DYRK4: variants seen among roughly 807,000 people sequenced by gnomAD.
DYRK4 encodes the protein dual specificity tyrosine phosphorylation regulated kinase 4.
DYRK4 carries 64 observed loss-of-function variants against 68.3 expected under a neutral mutation model. The observed-to-expected ratio is 0.94, with a 90% CI of 0.77 to 1.15. The LOEUF (loss-of-function observed/expected upper bound fraction) is 1.15. Among genes scored for constraint, DYRK4 ranks in the 50% most tolerant of loss-of-function variants. The pLI, the probability that DYRK4 is intolerant of heterozygous loss-of-function variation, is 0.00. For synonymous variants in DYRK4, 274 were observed against 289.9 expected (o/e 0.95, Z 0.56); for missense variants, 740 against 764.7 (o/e 0.97, Z 0.38).
Position 4,596,154 on chromosome 12 carries a change from G to A in DYRK4, c.633G>A (p.Leu211=), listed in dbSNP as rs371365155. ...CTCCGGCCTGGCTTCCACAGGTCCT[G>A]CATGATCACATTGCCTACCGCTATG... ...DDEHGFYLKV[L]HDHIAYRYEV... Residue 211 remains leucine (L), a synonymous_variant, in exon 7 of 15, where the codon CTG becomes CTA. Transcript: ENST00000543431. 1 of 1,614,072 alleles carries A rather than the reference G, an allele frequency of 6.2e-7. No homozygotes were observed.
At chr12:4,565,012 A>G (rs775050022) in intron 1 of DYRK4, among the ~76,000 whole-genome samples, 10 of 152,230 alleles carry the variant, frequency 6.6e-5, no homozygotes, top group Admixed American at 1.3e-4. Flanking sequence ...TCCGATCTGC[A>G]TGTAAGATGA....
intron 1 of DYRK4, among the ~76,000 whole-genome samples, chr12:4,565,686 T>A (rs1413930449): frequency 6.6e-6 from 1 of 151,694 alleles, no homozygotes; most frequent in African/African-American, 2.4e-5. Context: ...AGTGCAGTGG[T>A]GCAATCTCCG....
chr12:4,570,329 C>T (rs1296379976), intron 2 of DYRK4, among the ~76,000 whole-genome samples: 1 of 152,150 alleles, frequency 6.6e-6, no homozygotes, highest in African/African-American at 2.4e-5. Context: ...TTCACAATGA[C>T]ATTTAAAAAT....
At chr12:4,597,378 C>T (rs147258839) in intron 8 of DYRK4, among the ~76,000 whole-genome samples, 2 of 152,240 alleles carry the variant, frequency 1.3e-5, no homozygotes, top group Admixed American at 6.5e-5. Context: ...CTGGATTTAG[C>T]GAGCTGGTAG....
At position 4,612,666 on chromosome 12, in the gene DYRK4, CT is replaced by C; in HGVS notation, c.1615del (p.Ser539LeufsTer59). The C allele has an allele frequency of 6.2e-7, 1 of 1,614,154 alleles. No individual in the cohort carries two copies. Among genetic ancestry groups the C allele is most frequent in the Non-Finnish European group, 8.5e-7 (1 of 1,180,030 alleles). The stretch of plus-strand genomic sequence containing the variant: ...TGAGGAAATCCAATTCCTTTTTCCC[CT>C]CTGAGACAAGGAAGGACAAGGTTCA... ...TLRKSNSFFPSETRKDKVQGC... is the reference protein window; with the variant it reads ...TLRKSNSFFPXETRKDKVQGC... On this transcript the variant is annotated frameshift_variant, in exon 14 of 15. Transcript: ENST00000543431. LOFTEE classifies it high-confidence loss of function.
At position 4,600,795 on chromosome 12, in the gene DYRK4, G is replaced by C. The variant is rs1945072512; in HGVS notation, c.1126+1007G>C. ...AGCTCTCTGAATCCTGCAGCTTGGGGATTTTTATGAAGGCGTCATCACATA... is the reference window on the plus strand; with the variant it reads ...AGCTCTCTGAATCCTGCAGCTTGGGCATTTTTATGAAGGCGTCATCACATA... On this transcript the variant is annotated intron_variant, in intron 10 of 14. Coordinates refer to ENST00000543431, the MANE Select transcript of DYRK4 (RefSeq NM_001394779.1). 4.6e-5 allele frequency among the ~76,000 whole-genome samples: 7 copies of C among 151,930 alleles called. No individual in the cohort carries two copies. In the South Asian group the frequency reaches 1.5e-3, roughly 32 times the overall value.
chr12:4,593,309 C>A (rs1944978658), intron 6 of DYRK4, 144 bp downstream of exon 6: 1 of 904,628 alleles, frequency 1.1e-6, no homozygotes, highest in Non-Finnish European at 1.6e-6. Context: ...TAGTGCCAAA[C>A]CAAGGAAATA....
At chr12:4,600,820 A>ATTC (rs1172702544) in intron 10 of DYRK4, among the ~76,000 whole-genome samples, 14 of 151,760 alleles carry the variant, frequency 9.2e-5, no homozygotes, top group Non-Finnish European at 1.8e-4. Context: ...GTCATCACAT[A>ATTC]GTCATTGAAG....
chr12:4,603,285 C>G (rs1366220832), intron 10 of DYRK4: 9 of 891,056 alleles, frequency 1.0e-5, no homozygotes, highest in African/African-American at 3.3e-5. Context: ...TTAATATTCT[C>G]TTCCTTCTCA....
rs753917453 is a variant in DYRK4 at position 4,610,224 on chromosome 12, T to C, written c.1430T>C (p.Leu477Pro). The change falls in exon 13 of 15, where the codon CTC becomes CCC. Residue 477 changes from leucine (L) to proline (P), a missense_variant. This residue lies in a region of DYRK4 where 614 missense variants were observed against 603.7 expected (regional missense o/e 1.02). Transcript: ENST00000543431. Reference sequence around the variant, plus strand: ...AAAAGATACCCAGATTCCAAGGACCTCACGATGGTGCTGAAAACCTATGAC... The same window carrying C: ...AAAAGATACCCAGATTCCAAGGACCCCACGATGGTGCTGAAAACCTATGAC... ...GKKRYPDSKD[L>P]TMVLKTYDTS... The C allele has an allele frequency of 6.2e-7, 1 of 1,600,520 alleles. No homozygotes were observed. Among genetic ancestry groups the C allele is most frequent in the East Asian group, 2.3e-5 (1 of 43,794 alleles).
intron 2 of DYRK4, chr12:4,573,343 C>T: frequency 2.3e-6 from 3 of 1,289,364 alleles, no homozygotes; most frequent in Non-Finnish European, 3.0e-6. Context: ...CCCACTCTTT[C>T]TGAGATCTAC....
At position 4,597,175 on chromosome 12, in the gene DYRK4, A is replaced by C. The variant is rs4766260; in HGVS notation, c.905+446A>C. On this transcript the variant is annotated intron_variant, in intron 8 of 14. Coordinates refer to ENST00000543431, the MANE Select transcript of DYRK4 (RefSeq NM_001394779.1). ...TTTGAGTAAATAAGGACAAGAGCAG[A>C]TATTTTTGGTAAGAGAGCAGAGCCT... is the stretch of plus-strand genomic sequence containing the variant. 1.5e-5 allele frequency: 15 copies of C among 1,014,222 alleles called. No homozygotes were observed. In the Admixed American group the frequency reaches 6.5e-4, roughly 44 times the overall value. The allele number at this position is 1,014,222 out of a possible 1,614,324, so 62.8% of individuals were successfully genotyped here.
In DYRK4 at chr12:4,610,285, G is replaced by T; in HGVS notation, c.1490+1G>T. 2 of 1,556,820 alleles carry T rather than the reference G, an allele frequency of 1.3e-6. No homozygotes were observed. The highest frequency in any genetic ancestry group is 1.7e-6 in the Non-Finnish European group (2 of 1,156,960). Reference sequence around the variant, plus strand: ...TGGACTTTCTCAGAAGGTGTTTGGTGTGAGTTTGTTGGGACATCTCTGCTT... The same window carrying T: ...TGGACTTTCTCAGAAGGTGTTTGGTTTGAGTTTGTTGGGACATCTCTGCTT... On this transcript the variant is annotated splice_donor_variant, in intron 13 of 14. Transcript: ENST00000543431. LOFTEE classifies it high-confidence loss of function.
chr12:4,590,228 C>G (rs1944938191), intron 3 of DYRK4, 102 bp from the exon 4 acceptor site: 7 of 1,451,716 alleles, frequency 4.8e-6, no homozygotes, highest in Non-Finnish European at 6.3e-6. Flanking sequence ...GGGTTAGGCT[C>G]ATTCTTGTTG....
chr12:4,574,149 T>C (rs976116372), intron 2 of DYRK4, among the ~76,000 whole-genome samples: 23 of 148,802 alleles, frequency 1.5e-4, no homozygotes, highest in Non-Finnish European at 3.1e-4. Flanking sequence ...TGCTTGAACC[T>C]GGGAGGCGGA....
chr12:4,613,302 G>T lies in DYRK4; in HGVS notation c.1667-213G>T, dbSNP rs1945249220. The stretch of plus-strand genomic sequence containing the variant: ...CTCCATTTATGAGAATGAGAATAAA[G>T]CCTGTTCTCCAGGGTCGCTGAAATG... On this transcript the variant is annotated intron_variant, in intron 14 of 14. Transcript: ENST00000543431. The surrounding 1 kb of genome is among the most constrained non-coding windows in gnomAD (Gnocchi z 4.0). Among the ~76,000 whole-genome samples, 1 of 152,172 alleles carries T rather than the reference G, an allele frequency of 6.6e-6. No homozygotes were observed. The highest frequency in any genetic ancestry group is 1.5e-5 in the Non-Finnish European group (1 of 68,020).
chr12:4,586,746 A>C (rs77776902), intron 2 of DYRK4, among the ~76,000 whole-genome samples: 4 of 151,734 alleles, frequency 2.6e-5, no homozygotes, highest in African/African-American at 9.7e-5. Flanking sequence ...ACACACACAC[A>C]CCCCTTTGCT....
chr12:4,576,468 A>G (rs1009664800), intron 2 of DYRK4, among the ~76,000 whole-genome samples: 2 of 152,258 alleles, frequency 1.3e-5, no homozygotes, highest in Non-Finnish European at 1.5e-5. Context: ...TAAATCTGCT[A>G]TAAGCATTCA....
chr12:4,581,054 A>T (rs908024942), intron 2 of DYRK4: 1 of 334,804 alleles, frequency 3.0e-6, no homozygotes, highest in African/African-American at 2.2e-5. Flanking sequence ...CTAGCCCTAA[A>T]TAGGGACCAG....
Sources: allele counts gnomAD v4.1 joint callset (sites outside exome capture counted in the v4.1 genomes callset), GRCh38; gene constraint gnomAD v4.1.1; regional missense constraint gnomAD v4.1.1; non-coding constraint Gnocchi (gnomAD v3.1); transcripts MANE v1.5; gene names NCBI Gene and HGNC (gene_info 2026-07-23, HGNC 2026-07-21).